Variants in TTC23L observed in about 807,000 individuals in gnomAD.
The protein encoded by TTC23L is tetratricopeptide repeat domain 23 like.
A neutral mutation model predicts 48.1 loss-of-function variants in TTC23L; 42 were observed. That is an observed-to-expected ratio of 0.87 (90% CI 0.68 to 1.13). The LOEUF (loss-of-function observed/expected upper bound fraction) is 1.13, where lower values mean the gene tolerates loss of function less well. TTC23L is among the 50% of genes most tolerant of loss of function. TTC23L has a pLI of 0.00. For missense variants in TTC23L, 391 were observed against 421.0 expected, an observed-to-expected ratio of 0.93 and a Z score of 0.62; for synonymous variants, 159 against 157.2, an observed-to-expected ratio of 1.01 and a Z score of -0.09.
exon 8 of TTC23L, chr5:34,868,925 T>C (rs1225386568): frequency 6.2e-7 from 1 of 1,609,646 alleles, no homozygotes; most frequent in South Asian, 1.1e-5. Flanking sequence ...TCTGTGTTTC[T>C]TTGTTCACTG....
chr5:34,882,130 T>G (rs1163359255), intron 9 of TTC23L, among the ~76,000 whole-genome samples: 2 of 152,236 alleles, frequency 1.3e-5, no homozygotes, highest in East Asian at 3.8e-4. Context: ...TGAAAATACG[T>G]TACCAGAATT....
At chr5:34,855,081 G>A (rs1032067789) in intron 4 of TTC23L, among the ~76,000 whole-genome samples, 4 of 152,170 alleles carry the variant, frequency 2.6e-5, no homozygotes, top group Non-Finnish European at 5.9e-5. Context: ...AGGAAGGAAA[G>A]TGCCACGTCT....
downstream of TTC23L, among the ~76,000 whole-genome samples, chr5:34,899,802 G>GAATC (rs1449477655): frequency 6.6e-6 from 1 of 152,192 alleles, no homozygotes; most frequent in Non-Finnish European, 1.5e-5. Flanking sequence ...TGAGGCAGAA[G>GAATC]AATCACTTGA....
At chr5:34,904,591 TC>T in the TTC23L span, among the ~76,000 whole-genome samples, 1 of 143,336 alleles carries the variant, frequency 7.0e-6, no homozygotes. Flanking sequence ...GGACTCCATC[TC>T]AAAAAAAAAA....
intron 9 of TTC23L, among the ~76,000 whole-genome samples, chr5:34,883,817 T>C (rs1172527549): frequency 6.6e-6 from 1 of 152,220 alleles, no homozygotes; most frequent in Non-Finnish European, 1.5e-5. Context: ...TGGTGAATTC[T>C]ACCAAACATT....
At chr5:34,915,766 G>A in the TTC23L span, 4 of 1,603,816 alleles carry the variant, frequency 2.5e-6, no homozygotes, top group Admixed American at 6.9e-5. Context: ...GAAACGGCGT[G>A]GAGGCTTTGC....
the TTC23L span, chr5:34,916,643 C>T: frequency 1.3e-5 from 2 of 152,216 alleles, no homozygotes; most frequent in African/African-American, 4.8e-5. Flanking sequence ...TCTTCTTAAG[C>T]TAGACAGAAT....
At chr5:34,922,035 G>T in the TTC23L span, 1 of 380,092 alleles carries the variant, frequency 2.6e-6, no homozygotes, top group Non-Finnish European at 4.7e-6. Context: ...GTTTACCTTG[G>T]GTAGAATACC....
In TTC23L at chr5:34,863,954, G is replaced by A. The variant is rs1345333125; in HGVS notation, c.537-483G>A. Reference sequence around the variant, plus strand: ...TTAGCAGGGGGCTATTGAAAATGTGGGAAATAGAAGAATGTTTGGGAATTA... The same window carrying A: ...TTAGCAGGGGGCTATTGAAAATGTGAGAAATAGAAGAATGTTTGGGAATTA... On this transcript the variant is annotated intron_variant, in intron 5 of 10. Transcript: ENST00000505624. This position sits in a 1 kb window ranked among gnomAD's most constrained non-coding sequence, Gnocchi z 4.1. Among the ~76,000 whole-genome samples, 1 of 152,168 alleles carries A rather than the reference G, an allele frequency of 6.6e-6. No homozygotes were observed. The highest frequency in any genetic ancestry group is 1.9e-4 in the East Asian group (1 of 5,192).
intron 4 of TTC23L, among the ~76,000 whole-genome samples, chr5:34,856,930 G>A (rs1003924343): frequency 1.3e-5 from 2 of 152,208 alleles, no homozygotes; most frequent in African/African-American, 4.8e-5. Flanking sequence ...AATAGGGACC[G>A]GAGGCTAGTG....
intron 9 of TTC23L, among the ~76,000 whole-genome samples, chr5:34,891,197 T>C (rs1403587888): frequency 6.6e-6 from 1 of 152,162 alleles, no homozygotes; most frequent in Non-Finnish European, 1.5e-5. Flanking sequence ...AATAAGAGGC[T>C]TCTTTGTATC....
downstream of TTC23L, among the ~76,000 whole-genome samples, chr5:34,899,715 C>G (rs1334065883): frequency 1.3e-5 from 2 of 152,006 alleles, no homozygotes; most frequent in Non-Finnish European, 2.9e-5. Flanking sequence ...ACGGTGAAAC[C>G]CCATCTCTAC....
chr5:34,850,094 G>T, intron 3 of TTC23L, 91 bp from the exon 4 acceptor site: 1 of 1,416,606 alleles, frequency 7.1e-7, no homozygotes. Flanking sequence ...AAAGATGACA[G>T]GTGAATTCAG....
At chr5:34,916,012 T>A in the TTC23L span, 34 of 1,281,896 alleles carry the variant, frequency 2.7e-5, no homozygotes, top group South Asian at 5.2e-4. Context: ...GTGTTAACGG[T>A]AGGTCGGTTT....
the TTC23L span, among the ~76,000 whole-genome samples, chr5:34,909,883 T>C: frequency 2.0e-5 from 3 of 152,228 alleles, no homozygotes; most frequent in Non-Finnish European, 4.4e-5. Flanking sequence ...GAACATTTGC[T>C]GCAGGATTAG....
At chr5:34,884,445 A>G (rs1461854321) in intron 9 of TTC23L, among the ~76,000 whole-genome samples, 1 of 152,168 alleles carries the variant, frequency 6.6e-6, no homozygotes, top group African/African-American at 2.4e-5. Context: ...AATAAAAAAC[A>G]TCCAAATATG....
intron 1 of TTC23L, 99 bp from the exon 2 acceptor site, chr5:34,840,566 G>GAGA: frequency 1.0e-6 from 1 of 959,408 alleles, no homozygotes. Flanking sequence ...TTATATATTT[G>GAGA]AGCAGTTTTA....
intron 8 of TTC23L, chr5:34,869,432 TC>T (rs1165626972): frequency 6.0e-6 from 1 of 167,636 alleles, no homozygotes; most frequent in African/African-American, 2.4e-5. Flanking sequence ...AGCAGAATTT[TC>T]TTGACCCATA....
chr5:34,845,182 C>A (rs115180954), intron 2 of TTC23L, among the ~76,000 whole-genome samples: 3,485 of 152,290 alleles, frequency 0.023, 51 homozygotes, highest in Non-Finnish European at 0.028. Flanking sequence ...AATCCCATAA[C>A]CTCATCAAGT....
Sources: allele counts gnomAD v4.1 joint callset (sites outside exome capture counted in the v4.1 genomes callset), GRCh38; gene constraint gnomAD v4.1.1; non-coding constraint Gnocchi (gnomAD v3.1); transcripts MANE v1.5; gene names NCBI Gene and HGNC (gene_info 2026-07-23, HGNC 2026-07-21).